The following MMS19 variants were observed in gnomAD, a reference collection of about 807,000 sequenced individuals.
MMS19 encodes MMS19 nucleotide excision repair protein homolog.
Under a neutral mutation model 129.8 loss-of-function variants are expected in MMS19, and 77 were observed. The observed-to-expected ratio is 0.59, with a 90% CI of 0.49 to 0.72. MMS19 has a LOEUF of 0.72. MMS19 is among the 30% of genes least tolerant of loss of function. The pLI is 0.00. For missense variants in MMS19, 1,168 were observed against 1,266.3 expected, an observed-to-expected ratio of 0.92 and a Z score of 1.18; for synonymous variants, 491 against 502.8, an observed-to-expected ratio of 0.98 and a Z score of 0.31.
intron 1 of MMS19, among the ~76,000 whole-genome samples, chr10:97,485,829 T>G (rs1316694623): frequency 6.6e-6 from 1 of 152,198 alleles, no homozygotes; most frequent in Non-Finnish European, 1.5e-5. Context: ...AGATAACAAG[T>G]GCTGGTGAAG....
chr10:97,468,053 C>G (rs1186317222), intron 13 of MMS19, among the ~76,000 whole-genome samples, 199 bp downstream of exon 13: 1 of 151,930 alleles, frequency 6.6e-6, no homozygotes, highest in Non-Finnish European at 1.5e-5. Context: ...TGGCTTCAAG[C>G]TATCCTCCTG....
chr10:97,469,115 G>GGATCC lies in MMS19; in HGVS notation c.925-12_925-11insGGATC. On this transcript the variant is annotated splice_polypyrimidine_tract_variant and intron_variant, in intron 11 of 30. Coordinates refer to ENST00000438925, the MANE Select transcript of MMS19 (RefSeq NM_022362.5). ...TGCCGTCTGGAACACCTGTCAGGGA[G>GGATCC]GGATCCCATGGCTACTGAGGTGAGC... is the stretch of plus-strand genomic sequence containing the variant. 1 of 1,565,462 alleles carries GGATCC rather than the reference G, an allele frequency of 6.4e-7. No individual in the cohort carries two copies. Among genetic ancestry groups the GGATCC allele is most frequent in the Non-Finnish European group, 8.6e-7 (1 of 1,160,276 alleles).
intron 1 of MMS19, among the ~76,000 whole-genome samples, chr10:97,492,035 G>T (rs1251464183): frequency 6.6e-6 from 1 of 151,164 alleles, no homozygotes; most frequent in East Asian, 1.9e-4. Context: ...CTACTCCGAA[G>T]GCTGAGGCAG....
At chr10:97,460,469 G>A (rs2031477184) in intron 25 of MMS19, 1 of 622,050 alleles carries the variant, frequency 1.6e-6, no homozygotes. Flanking sequence ...TACTTGCGAG[G>A]CTGAAGTGGG....
chr10:97,466,776 C>G lies in MMS19; in HGVS notation c.1423G>C (p.Asp475His). Residue 475 changes from aspartate to histidine, a missense_variant and splice_region_variant, in exon 15 of 31, where the codon GAT (aspartate) becomes CAT (histidine). Asp to His is a moderately conservative substitution (Grantham distance 81). This residue lies in a region of MMS19 where 831 missense variants were observed against 910.8 expected (regional missense o/e 0.91). Coordinates refer to ENST00000438925, the MANE Select transcript of MMS19 (RefSeq NM_022362.5). ...RTLTVLGAQP[D>H]LLSYEDLELA... is the part of the protein sequence containing the mutation. Reference sequence around the variant, plus strand: ...CTCTTCTCTTTCCCTTAAGATGTACCTGGCTGGGCACCCAAGACTGTCAGT... The same window carrying G: ...CTCTTCTCTTTCCCTTAAGATGTACGTGGCTGGGCACCCAAGACTGTCAGT... 6.2e-7 allele frequency: 1 copy of G among 1,614,014 alleles called. No individual in the cohort carries two copies. Among genetic ancestry groups the G allele is most frequent in the Admixed American group, 1.7e-5 (1 of 60,002 alleles).
At position 97,464,026 on chromosome 10, in the gene MMS19, A is replaced by G. The variant is rs1288699693; in HGVS notation, c.1757-13T>C. On this transcript the variant is annotated splice_polypyrimidine_tract_variant and intron_variant, in intron 18 of 30. Transcript: ENST00000438925. ...GCAACCATATTCCCTGTTGATGAGA[A>G]AGTGTTCTCTGTAAGGTTTGCTTAA... 2 of 1,609,472 alleles carry G rather than the reference A, an allele frequency of 1.2e-6. No homozygotes were observed. The highest frequency in any genetic ancestry group is 4.5e-5 in the East Asian group (2 of 44,810).
At chr10:97,495,045 T>C (rs1564716240) in intron 1 of MMS19, among the ~76,000 whole-genome samples, 1 of 152,182 alleles carries the variant, frequency 6.6e-6, no homozygotes, top group Admixed American at 6.5e-5. Flanking sequence ...TTCTGACGTA[T>C]GAGATGCTGT....
At position 97,460,564 on chromosome 10, in the gene MMS19, C is replaced by T; in HGVS notation, c.2469+131G>A. 4 of 805,670 alleles carry T rather than the reference C, an allele frequency of 5.0e-6. No individual in the cohort carries two copies. The South Asian group carries it at 6.4e-5, about 13-fold the overall frequency. The allele number at this position is 805,670 out of a possible 1,614,324, so 49.9% of individuals were successfully genotyped here. A position where few individuals can be genotyped will look rare whatever the true frequency, so the allele number is the denominator to read the frequency against. On this transcript the variant is annotated intron_variant, in intron 25 of 30. Transcript: ENST00000438925. ...TCCAGCCTGGGTGACAGAGTAAGAC[C>T]CTGTCTCCAAAAAGAAAAAAGAAAA...
Position 97,468,290 on chromosome 10 carries a change from G to A in MMS19, c.1180C>T (p.Leu394=). ...TGGAACTGTTCCAGCAGTAAAGGCA[G>A]TACATTGCTGGTGACAGAGTCACAG... ...RACDSVTSNV[L]PLLLEQFHKH... is the part of the protein sequence containing the mutation. Residue 394 remains leucine (L), a synonymous_variant, in exon 13 of 31, where the codon CTG becomes TTG. Coordinates refer to ENST00000438925, the MANE Select transcript of MMS19 (RefSeq NM_022362.5). 3 of 1,610,262 alleles carry A rather than the reference G, an allele frequency of 1.9e-6. No individual in the cohort carries two copies. Among genetic ancestry groups the A allele is most frequent in the Non-Finnish European group, 2.5e-6 (3 of 1,177,634 alleles).
chr10:97,472,250 T>C, intron 8 of MMS19, among the ~76,000 whole-genome samples: 1 of 152,218 alleles, frequency 6.6e-6, no homozygotes, highest in Admixed American at 6.5e-5. Flanking sequence ...GGCTTATTTA[T>C]TTATTTGAGA....
intron 3 of MMS19, chr10:97,480,143 CT>C: frequency 2.7e-6 from 1 of 371,210 alleles, no homozygotes; most frequent in Non-Finnish European, 5.2e-6. Flanking sequence ...GGAGGGCCAG[CT>C]TTTTTGCCGG....
chr10:97,466,815 C>G lies in MMS19; in HGVS notation c.1384G>C (p.Val462Leu), dbSNP rs368992028. The change falls in exon 15 of 31, where the codon GTT becomes CTT. Residue 462 changes from valine to leucine, a missense_variant. Around this residue, in one of 3 missense-constraint regions of MMS19, gnomAD observed 831 missense variants for 910.8 expected, o/e 0.91. Coordinates refer to ENST00000438925, the MANE Select transcript of MMS19 (RefSeq NM_022362.5). ...AAGACTGTCAGTGTACGGATGCCAA[C>G]AAGCTGAAGCTGGGTGCTGGGGTCT... ...LTDPSTQLQLVGIRTLTVLGA... is the reference protein window; with the variant it reads ...LTDPSTQLQLLGIRTLTVLGA... The G allele has an allele frequency of 1.4e-5, 22 of 1,613,902 alleles. No individual in the cohort carries two copies. Among genetic ancestry groups the G allele is most frequent in the African/African-American group, 2.7e-5 (2 of 74,926 alleles).
chr10:97,478,856 ATT>A (rs1190102856), intron 3 of MMS19, among the ~76,000 whole-genome samples: 2 of 152,048 alleles, frequency 1.3e-5, no homozygotes, highest in Admixed American at 1.3e-4. Flanking sequence ...GACATAAATT[ATT>A]TTTTCTGTGT....
rs775906450 is a variant in MMS19 at position 97,464,063 on chromosome 10, G to A, written c.1757-50C>T. The A allele has an allele frequency of 6.4e-6, 10 of 1,552,392 alleles. No individual in the cohort carries two copies. In the South Asian group the frequency reaches 1.0e-4, roughly 16 times the overall value. ...TAAGGTTTGCTTAAAAGCACTTTCA[G>A]GTGTTTCCAATTACACAGCAGATGA... On this transcript the variant is annotated intron_variant, in intron 18 of 30. Transcript: ENST00000438925.
intron 23 of MMS19, 169 bp downstream of exon 23, chr10:97,461,327 C>T: frequency 2.6e-6 from 2 of 756,992 alleles, no homozygotes; most frequent in Non-Finnish European, 4.2e-6. Context: ...CTCTGCCCAA[C>T]TGTGGTCTTG....
In MMS19 at chr10:97,467,490, G is replaced by T. The variant is rs2033756303; in HGVS notation, c.1297+15C>A. On this transcript the variant is annotated intron_variant, in intron 14 of 30. Transcript: ENST00000438925. ...TCAACAGTCCCCAGAGCACTGCAATGGAAGGCAACCTCACCTTTGTCTTCA... is the reference window on the plus strand; with the variant it reads ...TCAACAGTCCCCAGAGCACTGCAATTGAAGGCAACCTCACCTTTGTCTTCA... 2 of 1,602,960 alleles carry T rather than the reference G, an allele frequency of 1.2e-6. No individual in the cohort carries two copies. Among genetic ancestry groups the T allele is most frequent in the African/African-American group, 2.7e-5 (2 of 74,834 alleles).
chr10:97,484,127 A>G lies in MMS19; in HGVS notation c.137T>C (p.Val46Ala), dbSNP rs1352782326. Residue 46 changes from valine to alanine, a missense_variant, in exon 2 of 31, where the codon GTG becomes GCG. Transcript: ENST00000438925. ...CCCAAGGGCTTCCACAACTTGTAAC[A>G]CTGTATAGTTGCCAGATTTCACATC... ...AADVKSGNYT[V>A]LQVVEALGSS... 2 of 1,544,132 alleles carry G rather than the reference A, an allele frequency of 1.3e-6. No individual in the cohort carries two copies. The highest frequency in any genetic ancestry group is 1.4e-5 in the African/African-American group (1 of 72,902).
intron 1 of MMS19, among the ~76,000 whole-genome samples, chr10:97,484,550 G>C (rs1231017649): frequency 6.6e-6 from 1 of 151,848 alleles, no homozygotes; most frequent in Non-Finnish European, 1.5e-5. Flanking sequence ...AGCGAAAAAA[G>C]AAAAACCAAA....
At chr10:97,493,867 T>C (rs984054094) in intron 1 of MMS19, among the ~76,000 whole-genome samples, 2 of 151,916 alleles carry the variant, frequency 1.3e-5, no homozygotes, top group African/African-American at 4.8e-5. Flanking sequence ...AATACAAAAT[T>C]AGCCGTGTGT....
Sources: allele counts gnomAD v4.1 joint callset (sites outside exome capture counted in the v4.1 genomes callset), GRCh38; gene constraint gnomAD v4.1.1; regional missense constraint gnomAD v4.1.1; transcripts MANE v1.5; gene names NCBI Gene and HGNC (gene_info 2026-07-23, HGNC 2026-07-21).